CSNK1G3: variants seen among roughly 807,000 people sequenced by gnomAD.
CSNK1G3 encodes the protein casein kinase 1 gamma 3.
In CSNK1G3, 23 loss-of-function variants were observed where a neutral mutation model predicts 64.3. That is an observed-to-expected ratio of 0.36 (90% CI 0.26 to 0.51). The LOEUF (loss-of-function observed/expected upper bound fraction) is 0.51. CSNK1G3 is among the 20% of genes least tolerant of loss of function. The pLI is 0.96. For synonymous variants in CSNK1G3, 158 were observed against 162.2 expected, an observed-to-expected ratio of 0.97 and a Z score of 0.20; for missense variants, 357 against 510.5, an observed-to-expected ratio of 0.70 and a Z score of 2.90.
At chr5:123,570,968 G>A (rs1787979197) in intron 4 of CSNK1G3, among the ~76,000 whole-genome samples, 1 of 152,186 alleles carries the variant, frequency 6.6e-6, no homozygotes, top group South Asian at 2.1e-4. Flanking sequence ...CATTGTAAAA[G>A]CAGGATTTTA....
Position 123,591,550 on chromosome 5 carries a change from GTTTA to G in CSNK1G3, c.1086+139_1086+142del, listed in dbSNP as rs988735755. The stretch of plus-strand genomic sequence containing the variant: ...TAATCTATTTTCTCTTAATTTCACT[GTTTA>G]TTAGTTTAATAATAGCATTAAAATG... On this transcript the variant is annotated intron_variant, in intron 10 of 12. Coordinates refer to ENST00000345990, the Ensembl canonical transcript of CSNK1G3. 1.1e-4 allele frequency: 61 copies of G among 533,482 alleles called. 1 individual carries two copies. In the Middle Eastern group the frequency reaches 1.9e-3, roughly 16 times the overall value. 33.0% of individuals were successfully genotyped at this position (533,482 alleles called of 1,614,324 possible).
intron 4 of CSNK1G3, among the ~76,000 whole-genome samples, chr5:123,562,057 C>T (rs1415266313): frequency 6.6e-6 from 1 of 152,236 alleles, no homozygotes; most frequent in South Asian, 2.1e-4. Flanking sequence ...AGTCCAAATT[C>T]GTTTCTCTTT....
At chr5:123,605,702 A>G (rs759189760) in intron 12 of CSNK1G3, among the ~76,000 whole-genome samples, 1 of 152,064 alleles carries the variant, frequency 6.6e-6, no homozygotes, top group African/African-American at 2.4e-5. Flanking sequence ...TTTTGCATTA[A>G]GCTTTCTTTT....
chr5:123,587,522 A>G (rs1791550785), intron 6 of CSNK1G3, among the ~76,000 whole-genome samples: 1 of 152,186 alleles, frequency 6.6e-6, no homozygotes, highest in Non-Finnish European at 1.5e-5. Flanking sequence ...ATTTTTTGTG[A>G]TAGTGAAGGG....
intron 1 of CSNK1G3, among the ~76,000 whole-genome samples, chr5:123,544,240 C>T (rs1415872623): frequency 2.0e-5 from 3 of 152,180 alleles, no homozygotes; most frequent in Non-Finnish European, 4.4e-5. Flanking sequence ...GTCAGCTCCT[C>T]TCTTGCTCAT....
intron 3 of CSNK1G3, among the ~76,000 whole-genome samples, chr5:123,555,045 TTTAAG>T (rs1233846614): frequency 6.6e-6 from 1 of 152,250 alleles, no homozygotes; most frequent in Admixed American, 6.5e-5. Flanking sequence ...ATATCACTTT[TTTAAG>T]TTTATTTTTG....
chr5:123,589,344 G>T (rs1791922111), intron 8 of CSNK1G3, among the ~76,000 whole-genome samples: 1 of 152,096 alleles, frequency 6.6e-6, no homozygotes, highest in Non-Finnish European at 1.5e-5. Flanking sequence ...ATATCTAGAA[G>T]TAGATTTTTT....
chr5:123,558,049 G>A (rs1402722453), intron 4 of CSNK1G3, among the ~76,000 whole-genome samples: 1 of 152,150 alleles, frequency 6.6e-6, no homozygotes, highest in Non-Finnish European at 1.5e-5. Context: ...CACAGAAAAG[G>A]AGTAGGCATT....
intron 1 of CSNK1G3, among the ~76,000 whole-genome samples, chr5:123,524,807 T>A (rs1778743896): frequency 6.6e-6 from 1 of 152,230 alleles, no homozygotes. Flanking sequence ...ATTGTACTTC[T>A]TGTGCAGAGG....
chr5:123,535,419 T>G (rs1011148348), intron 1 of CSNK1G3, among the ~76,000 whole-genome samples: 3 of 152,120 alleles, frequency 2.0e-5, no homozygotes, highest in African/African-American at 7.2e-5. Context: ...GGCTGTAGTT[T>G]CATGACTCCT....
At chr5:123,560,780 A>G (rs368876443) in intron 4 of CSNK1G3, among the ~76,000 whole-genome samples, 2 of 152,210 alleles carry the variant, frequency 1.3e-5, no homozygotes, top group African/African-American at 4.8e-5. Context: ...ATAGAGGCAG[A>G]AGGTAGAATG....
At chr5:123,606,458 C>G (rs1296237569) in intron 12 of CSNK1G3, among the ~76,000 whole-genome samples, 2 of 152,076 alleles carry the variant, frequency 1.3e-5, no homozygotes, top group African/African-American at 4.8e-5. Context: ...TTATAGAATC[C>G]TGTTTCTGCC....
At chr5:123,564,576 T>A (rs1027459174) in intron 4 of CSNK1G3, among the ~76,000 whole-genome samples, 1 of 152,152 alleles carries the variant, frequency 6.6e-6, no homozygotes, top group African/African-American at 2.4e-5. Context: ...TTAAATTTTA[T>A]AGGCCCAAAT....
chr5:123,558,182 C>G (rs1784981299), intron 4 of CSNK1G3, among the ~76,000 whole-genome samples: 1 of 152,150 alleles, frequency 6.6e-6, no homozygotes, highest in East Asian at 1.9e-4. Flanking sequence ...ATTTCAGACT[C>G]TTACCTCCAT....
intron 10 of CSNK1G3, among the ~76,000 whole-genome samples, chr5:123,599,962 A>T (rs1484792179): frequency 6.6e-6 from 1 of 152,112 alleles, no homozygotes; most frequent in African/African-American, 2.4e-5. Flanking sequence ...ATTTTGGCTT[A>T]TCTTTGTTGA....
chr5:123,565,978 A>G (rs899216213), intron 4 of CSNK1G3, among the ~76,000 whole-genome samples: 2 of 152,200 alleles, frequency 1.3e-5, no homozygotes, highest in Non-Finnish European at 2.9e-5. Context: ...CACCCAAACT[A>G]TATCACTGTT....
intron 12 of CSNK1G3, among the ~76,000 whole-genome samples, chr5:123,605,714 T>C (rs1330373124): frequency 6.6e-6 from 1 of 152,120 alleles, no homozygotes; most frequent in Non-Finnish European, 1.5e-5. Context: ...CTTTCTTTTT[T>C]CTCTTTGCAA....
At chr5:123,551,467 C>A (rs1047993122) in intron 2 of CSNK1G3, among the ~76,000 whole-genome samples, 3 of 152,072 alleles carry the variant, frequency 2.0e-5, no homozygotes, top group Non-Finnish European at 4.4e-5. Context: ...ATCCTTTTTG[C>A]CAACTGTATT....
intron 1 of CSNK1G3, among the ~76,000 whole-genome samples, chr5:123,516,145 T>A (rs2149894793): frequency 6.6e-6 from 1 of 152,314 alleles, no homozygotes; most frequent in Non-Finnish European, 1.5e-5. Flanking sequence ...TTCTTTATGA[T>A]GTAATTTCTT....
Sources: gnomAD v4.1 joint callset for allele counts (sites outside exome capture counted in the v4.1 genomes callset) on GRCh38, gnomAD v4.1.1 for gene constraint, MANE v1.5 for transcripts, NCBI Gene and HGNC (gene_info 2026-07-23, HGNC 2026-07-21) for gene names.